The following CAPN1 variants were observed in gnomAD, a reference collection of about 807,000 sequenced individuals.
CAPN1 encodes the protein calpain 1.
Under a neutral mutation model 105.2 loss-of-function variants are expected in CAPN1, and 77 were observed. That is an observed-to-expected ratio of 0.73 (90% confidence interval 0.61 to 0.88). The LOEUF is 0.88. Among genes scored for constraint, CAPN1 ranks in the 40% least tolerant of loss-of-function variants. CAPN1 has a pLI of 0.00. For missense variants in CAPN1, 833 were observed against 976.6 expected (o/e 0.85, Z 1.96); for synonymous variants, 355 against 388.8 (o/e 0.91, Z 1.02).
chr11:65,183,816 G>C, intron 4 of CAPN1: 1 of 553,492 alleles, frequency 1.8e-6, no homozygotes, highest in Non-Finnish European at 3.3e-6. Flanking sequence ...CAGGTGGAAA[G>C]TGCTTGAAAG....
intron 14 of CAPN1, among the ~76,000 whole-genome samples, chr11:65,207,686 G>T (rs17881362): frequency 0.016 from 2,429 of 151,792 alleles, 63 homozygotes; most frequent in African/African-American, 0.055. Context: ...GTTGAGGCGG[G>T]CGGATAACCT....
At position 65,198,201 on chromosome 11, in the gene CAPN1, C is replaced by T. The variant is rs1039493694; in HGVS notation, c.1166-6482C>T. Among the ~76,000 whole-genome samples the T allele has an allele frequency of 3.2e-4, 49 of 151,646 alleles. 1 individual carries two copies. The highest frequency in any genetic ancestry group is 1.2e-3 in the African/African-American group (48 of 41,250). ...TGTCACCCAGGCTGGAGTGTGGTGGCGTGATCTCAGCTCACTGCAACCTCT... is the reference window on the plus strand; with the variant it reads ...TGTCACCCAGGCTGGAGTGTGGTGGTGTGATCTCAGCTCACTGCAACCTCT... On this transcript the variant is annotated intron_variant, in intron 10 of 21. Transcript: ENST00000279247.
intron 12 of CAPN1, chr11:65,206,018 G>A (rs1948951354): frequency 3.7e-6 from 2 of 536,688 alleles, no homozygotes; most frequent in South Asian, 2.4e-5. Flanking sequence ...TGCCAACTAG[G>A]GCGGTCCAGC....
intron 4 of CAPN1, 137 bp from the exon 5 acceptor site, chr11:65,185,780 A>C: frequency 1.2e-6 from 1 of 869,374 alleles, no homozygotes; most frequent in Non-Finnish European, 1.7e-6. Context: ...GTATGTATCT[A>C]ATTTACATGA....
chr11:65,185,666 C>T (rs1482771068), intron 4 of CAPN1, among the ~76,000 whole-genome samples: 1 of 149,870 alleles, frequency 6.7e-6, no homozygotes, highest in East Asian at 1.9e-4. Flanking sequence ...CTGTAGCATA[C>T]ATGTATCTAG....
In CAPN1 at chr11:65,187,245, A is replaced by G; in HGVS notation, c.790A>G (p.Thr264Ala). Residue 264 changes from threonine (T) to alanine (A), a missense_variant, in exon 7 of 22, where the codon ACT (threonine) becomes GCT (alanine). Physicochemically the swap from Thr to Ala is moderately conservative, Grantham distance 58. Transcript: ENST00000279247. Reference sequence around the variant, plus strand: ...CAGCGTTCTAGACATGGAGGCCATCACTTTCAAGAAGTTGGTGAAGGGCCA... The same window carrying G: ...CAGCGTTCTAGACATGGAGGCCATCGCTTTCAAGAAGTTGGTGAAGGGCCA... ...ISSVLDMEAITFKKLVKGHAY... is the reference protein window; with the variant it reads ...ISSVLDMEAIAFKKLVKGHAY... 6.2e-7 allele frequency: 1 copy of G among 1,613,320 alleles called. No homozygotes were observed. The highest frequency in any genetic ancestry group is 8.5e-7 in the Non-Finnish European group (1 of 1,179,612).
chr11:65,210,178 G>T lies in CAPN1; in HGVS notation c.1942+82G>T. On this transcript the variant is annotated intron_variant, in intron 19 of 21. Coordinates refer to ENST00000279247, the MANE Select transcript of CAPN1 (RefSeq NM_005186.4). This position sits in a 1 kb window ranked among gnomAD's most constrained non-coding sequence, Gnocchi z 4.3. ...CCTATGCCCCAGGCCCTTGTCCCTG[G>T]GGTGCTAGTGGTGACATGGTAACAG... 8.0e-7 allele frequency: 1 copy of T among 1,246,900 alleles called. No homozygotes were observed. Among genetic ancestry groups the T allele is most frequent in the South Asian group, 1.2e-5 (1 of 82,716 alleles). 77.2% of individuals were successfully genotyped at this position (1,246,900 alleles called of 1,614,324 possible).
chr11:65,210,111 C>CT lies in CAPN1; in HGVS notation c.1942+16dup. The CT allele has an allele frequency of 1.9e-6, 3 of 1,605,596 alleles. No homozygotes were observed. Among genetic ancestry groups the CT allele is most frequent in the Non-Finnish European group, 2.6e-6 (3 of 1,173,750 alleles). ...TGAGTCGGCAGGTGAGACTCCAAGG[C>CT]TGACGGCACCTGTGGGGCCCAGGAC... On this transcript the variant is annotated intron_variant, in intron 19 of 21. Coordinates refer to ENST00000279247, the MANE Select transcript of CAPN1 (RefSeq NM_005186.4). The surrounding 1 kb of genome is among the most constrained non-coding windows in gnomAD (Gnocchi z 4.3).
chr11:65,195,067 G>A (rs1241413739), intron 10 of CAPN1, among the ~76,000 whole-genome samples: 1 of 150,202 alleles, frequency 6.7e-6, no homozygotes, highest in Non-Finnish European at 1.5e-5. Context: ...CCATCCTAGT[G>A]GGTGTGAAGT....
rs767838389 is a variant in CAPN1 at position 65,183,226 on chromosome 11, T to G, written c.337+29T>G. 1.9e-6 allele frequency: 3 copies of G among 1,604,734 alleles called. No homozygotes were observed. In the South Asian group the frequency reaches 3.3e-5, roughly 18 times the overall value. ...GGCCCCCAGGGCGTCGGGTCCCGGG[T>G]ATTTTTTCCACAGTAGTTCCCCATT... On this transcript the variant is annotated intron_variant, in intron 3 of 21. Coordinates refer to ENST00000279247, the MANE Select transcript of CAPN1 (RefSeq NM_005186.4).
At chr11:65,207,094 A>G (rs763736089) in intron 14 of CAPN1, among the ~76,000 whole-genome samples, 4 of 150,412 alleles carry the variant, frequency 2.7e-5, no homozygotes, top group Non-Finnish European at 5.9e-5. Context: ...CCCCACATCA[A>G]CCCTGTCCGG....
In CAPN1 at chr11:65,211,368, A is replaced by T; in HGVS notation, c.*82A>T. 7.2e-7 allele frequency: 1 copy of T among 1,396,194 alleles called. No homozygotes were observed. The highest frequency in any genetic ancestry group is 1.0e-6 in the Non-Finnish European group (1 of 999,218). 86.5% of individuals were successfully genotyped at this position (1,396,194 alleles called of 1,614,324 possible). A position where few individuals can be genotyped will look rare whatever the true frequency, so the allele number is the denominator to read the frequency against. ...GCCTCCTACCACACCACACCAGGCCACCCCAGCTGCAAGTGCCTTCCTTGG... is the reference window on the plus strand; with the variant it reads ...GCCTCCTACCACACCACACCAGGCCTCCCCAGCTGCAAGTGCCTTCCTTGG... On this transcript the variant is annotated 3_prime_UTR_variant, in exon 22 of 22. Transcript: ENST00000279247.
rs1948676792 is a variant in CAPN1, at chr11:65,188,695, GAAGGC to G, written c.1116_1120del (p.Glu372AspfsTer30). On this transcript the variant is annotated frameshift_variant, in exon 10 of 22. Transcript: ENST00000279247. LOFTEE classifies it high-confidence loss of function. The surrounding 1 kb of genome is among the most constrained non-coding windows in gnomAD (Gnocchi z 5.5). ...CCGCAAATGGAACACCACACTCTAC[GAAGGC>G]ACCTGGCGGCGGGGGAGCACCGCGG... is the stretch of plus-strand genomic sequence containing the variant. 6.2e-7 allele frequency: 1 copy of G among 1,610,842 alleles called. No individual in the cohort carries two copies. Among genetic ancestry groups the G allele is most frequent in the Non-Finnish European group, 8.5e-7 (1 of 1,178,602 alleles).
chr11:65,188,734 C>T lies in CAPN1; in HGVS notation c.1153C>T (p.Arg385Ter), dbSNP rs955142329. ...WRRGSTAGGC[R>*]NYPATFWVNP... is the part of the protein sequence containing the mutation. ...GCGGGGGAGCACCGCGGGGGGCTGC[C>T]GAAACTACCCAGGTGCACAGGGGCG... is the stretch of plus-strand genomic sequence containing the variant. The change falls in exon 10 of 22, where the codon CGA (arginine) becomes TGA (stop). Residue 385 changes from arginine (R) to a stop codon, truncating the protein, a stop_gained. Transcript: ENST00000279247. LOFTEE classifies it high-confidence loss of function. The surrounding 1 kb of genome is among the most constrained non-coding windows in gnomAD (Gnocchi z 5.5). The T allele has an allele frequency of 9.5e-6, 15 of 1,570,728 alleles. No individual in the cohort carries two copies. Among genetic ancestry groups the T allele is most frequent in the East Asian group, 2.4e-5 (1 of 41,852 alleles).
chr11:65,194,409 A>C (rs567743131), intron 10 of CAPN1, among the ~76,000 whole-genome samples: 7 of 152,270 alleles, frequency 4.6e-5, no homozygotes, highest in Admixed American at 3.9e-4. Flanking sequence ...ATTTTGATAC[A>C]TAGTGTTTTT....
Position 65,208,591 on chromosome 11 carries a change from AAT to A in CAPN1, c.1729+332_1729+333del. 1 of 427,272 alleles carries A rather than the reference AAT, an allele frequency of 2.3e-6. No individual in the cohort carries two copies. Among genetic ancestry groups the A allele is most frequent in the Non-Finnish European group, 4.4e-6 (1 of 228,418 alleles). 26.5% of individuals were successfully genotyped at this position (427,272 alleles called of 1,614,324 possible). A position where few individuals can be genotyped will look rare whatever the true frequency, so the allele number is the denominator to read the frequency against. The stretch of plus-strand genomic sequence containing the variant: ...CCAGGAGTTCAACACCAGCCTGGAC[AAT>A]ATGGAGAGACCCTGTCTCTGCAAAA... On this transcript the variant is annotated intron_variant, in intron 16 of 21. Coordinates refer to ENST00000279247, the MANE Select transcript of CAPN1 (RefSeq NM_005186.4). The surrounding 1 kb of genome is among the most constrained non-coding windows in gnomAD (Gnocchi z 4.1).
Position 65,204,895 on chromosome 11 carries a change from A to G in CAPN1, c.1341+37A>G, listed in dbSNP as rs537781150. 84 of 1,568,916 alleles carry G rather than the reference A, an allele frequency of 5.4e-5. 1 individual carries two copies. The highest frequency in any genetic ancestry group is 7.2e-5 in the Non-Finnish European group (83 of 1,146,916). The stretch of plus-strand genomic sequence containing the variant: ...GGATCACCGGTGGATCTCACTGAGC[A>G]GGCAGAGGACCTGGCGCCCCCGACC... On this transcript the variant is annotated intron_variant, in intron 11 of 21. Coordinates refer to ENST00000279247, the MANE Select transcript of CAPN1 (RefSeq NM_005186.4).
At chr11:65,183,222 C>A in intron 3 of CAPN1, 25 bp downstream of exon 3, 4 of 1,610,346 alleles carry the variant, frequency 2.5e-6, no homozygotes, top group African/African-American at 1.3e-5. Flanking sequence ...CGTCGGGTCC[C>A]GGGTATTTTT....
intron 6 of CAPN1, 83 bp from the exon 7 acceptor site, chr11:65,187,132 G>A (rs186139889): frequency 1.1e-5 from 11 of 1,005,070 alleles, no homozygotes; most frequent in African/African-American, 3.2e-5. Flanking sequence ...AAGTGGGAAC[G>A]TCCAAGACCC....
Sources: allele counts gnomAD v4.1 joint callset (sites outside exome capture counted in the v4.1 genomes callset), GRCh38; gene constraint gnomAD v4.1.1; non-coding constraint Gnocchi (gnomAD v3.1); transcripts MANE v1.5; gene names NCBI Gene and HGNC (gene_info 2026-07-23, HGNC 2026-07-21).